The following TM4SF19 variants were observed in gnomAD, a reference collection of about 807,000 sequenced individuals.
The protein encoded by TM4SF19 is transmembrane 4 L6 family member 19.
A neutral mutation model predicts 21.8 loss-of-function variants in TM4SF19; 17 were observed. The ratio of observed to expected loss-of-function variants is 0.78; its 90% CI spans 0.53 to 1.17. The LOEUF (loss-of-function observed/expected upper bound fraction) is 1.17. Among genes scored for constraint, TM4SF19 ranks in the 50% most tolerant of loss-of-function variants. The pLI, the probability that TM4SF19 is intolerant of heterozygous loss-of-function variation, is 0.00. For synonymous variants in TM4SF19, 107 were observed against 106.7 expected, an observed-to-expected ratio of 1.00 and a Z score of -0.02; for missense variants, 216 against 252.1, an observed-to-expected ratio of 0.86 and a Z score of 0.97.
At chr3:196,333,753 A>C (rs1200574793) in intron 1 of TM4SF19, among the ~76,000 whole-genome samples, 2 of 152,156 alleles carry the variant, frequency 1.3e-5, no homozygotes, top group African/African-American at 4.8e-5. Context: ...TAAAAGTTGA[A>C]ATTATATTTT....
At chr3:196,338,072 G>A (rs1351524061) in intron 1 of TM4SF19, among the ~76,000 whole-genome samples, 192 bp downstream of exon 1, 3 of 152,210 alleles carry the variant, frequency 2.0e-5, no homozygotes, top group Non-Finnish European at 2.9e-5. Context: ...TGAGATACTA[G>A]GCAGGAAGAG....
rs145852836 is a variant in TM4SF19, at chr3:196,332,612, TACACAC to T, written c.-1-5027_-1-5022del. ...TAATGTGCGTATATATGTGTGTACG[TACACAC>T]ACACACACACACAATAGTCCCCCAT... On this transcript the variant is annotated intron_variant, in intron 1 of 4. Transcript: ENST00000273695. Among the ~76,000 whole-genome samples the T allele has an allele frequency of 8.1e-5, 12 of 148,880 alleles. No individual in the cohort carries two copies. In the South Asian group the frequency reaches 8.5e-4, roughly 11 times the overall value.
chr3:196,335,953 G>T (rs187583891), intron 1 of TM4SF19, among the ~76,000 whole-genome samples: 1 of 152,042 alleles, frequency 6.6e-6, no homozygotes, highest in African/African-American at 2.4e-5. Flanking sequence ...CCTTTCAAGC[G>T]GGTGCTCTAG....
At chr3:196,335,731 G>A (rs940226329) in intron 1 of TM4SF19, among the ~76,000 whole-genome samples, 9 of 151,918 alleles carry the variant, frequency 5.9e-5, no homozygotes, top group African/African-American at 2.2e-4. Flanking sequence ...GTGGAGAACG[G>A]CCCCCTCACA....
rs1232289111 is a variant in TM4SF19, at chr3:196,329,005, G to A, written c.-1-1414C>T. Among the ~76,000 whole-genome samples, 6 of 151,518 alleles carry A rather than the reference G, an allele frequency of 4.0e-5. No homozygotes were observed. In the East Asian group the frequency reaches 7.8e-4, roughly 20 times the overall value. On this transcript the variant is annotated intron_variant, in intron 1 of 4. Coordinates refer to ENST00000273695, the MANE Select transcript of TM4SF19 (RefSeq NM_138461.4). ...GTTGCTCAGGCTGGAGTGCAGTGGCGCGATCTCAGCTCACTGCAACCTCTG... is the reference window on the plus strand; with the variant it reads ...GTTGCTCAGGCTGGAGTGCAGTGGCACGATCTCAGCTCACTGCAACCTCTG...
At chr3:196,333,538 G>A (rs1333463826) in intron 1 of TM4SF19, among the ~76,000 whole-genome samples, 2 of 152,134 alleles carry the variant, frequency 1.3e-5, no homozygotes, top group African/African-American at 4.8e-5. Flanking sequence ...CAAAGCTTCA[G>A]TTAAGGGGGG....
At position 196,327,444 on chromosome 3, in the gene TM4SF19, G is replaced by T. The variant is rs1183959379; in HGVS notation, c.147C>A (p.Gly49=). 11 of 1,614,176 alleles carry T rather than the reference G, an allele frequency of 6.8e-6. No individual in the cohort carries two copies. The highest frequency in any genetic ancestry group is 8.5e-6 in the Non-Finnish European group (10 of 1,180,030). The part of the protein sequence containing the change: ...PNWDVTYLLR[G]LLGRHAMLGT... ...CCAGCATGGCATGCCTGCCAAGGAG[G>T]CCCCTCAACAGGTAGGTGACATCCC... is the stretch of plus-strand genomic sequence containing the variant. Residue 49 remains glycine, a synonymous_variant, in exon 2 of 5, where the codon GGC becomes GGA. Transcript: ENST00000273695.
At chr3:196,335,931 G>A (rs185626360) in intron 1 of TM4SF19, among the ~76,000 whole-genome samples, 6 of 152,186 alleles carry the variant, frequency 3.9e-5, no homozygotes, top group African/African-American at 7.2e-5. Flanking sequence ...GGAAAGATGG[G>A]TGTGTGGTTG....
chr3:196,324,338 C>CT lies in TM4SF19; in HGVS notation c.381_382insA (p.Asp128ArgfsTer22). 1 of 1,614,116 alleles carries CT rather than the reference C, an allele frequency of 6.2e-7. No homozygotes were observed. The highest frequency in any genetic ancestry group is 8.5e-7 in the Non-Finnish European group (1 of 1,180,016). On this transcript the variant is annotated frameshift_variant, in exon 4 of 5. Coordinates refer to ENST00000273695, the MANE Select transcript of TM4SF19 (RefSeq NM_138461.4). LOFTEE classifies it high-confidence loss of function. The stretch of plus-strand genomic sequence containing the variant: ...TGTGTCTGATTGAAGGATGAAACAT[C>CT]AAACATGCAAAAAGGACCATCTTTC...
chr3:196,327,340 C>T (rs1401142759), intron 2 of TM4SF19, 50 bp downstream of exon 2: 1 of 1,570,126 alleles, frequency 6.4e-7, no homozygotes, highest in Admixed American at 1.7e-5. Context: ...TTCCTGCTCC[C>T]CGCCGGGGTC....
intron 1 of TM4SF19, among the ~76,000 whole-genome samples, chr3:196,328,321 T>G (rs1369196950): frequency 1.3e-5 from 2 of 151,850 alleles, no homozygotes; most frequent in African/African-American, 2.4e-5. Flanking sequence ...AAAGTAACAT[T>G]GTTATTATTC....
chr3:196,336,660 CAGG>C (rs1433570165), intron 1 of TM4SF19, among the ~76,000 whole-genome samples: 4 of 152,170 alleles, frequency 2.6e-5, no homozygotes, highest in African/African-American at 7.2e-5. Context: ...AAATGTGAAC[CAGG>C]AGGTTAGCAA....
At chr3:196,329,877 G>GT (rs572956021) in intron 1 of TM4SF19, among the ~76,000 whole-genome samples, 2,245 of 107,792 alleles carry the variant, frequency 0.021, 334 homozygotes, top group African/African-American at 0.058. Context: ...GTGTTGTTTT[G>GT]TTTTTTTTTT....
At chr3:196,326,887 C>T (rs769453783) in intron 3 of TM4SF19, 68 bp downstream of exon 3, 404 of 1,426,306 alleles carry the variant, frequency 2.8e-4, no homozygotes, top group Non-Finnish European at 3.5e-4. Flanking sequence ...GCCTCTTTAC[C>T]GCCCTGCCTC....
intron 3 of TM4SF19, 66 bp from the exon 4 acceptor site, chr3:196,324,506 G>T: frequency 3.8e-6 from 6 of 1,566,414 alleles, no homozygotes; most frequent in Non-Finnish European, 5.3e-6. Context: ...GGAGGGAGGA[G>T]AAACGCTGAG....
rs1727160200 is a variant in TM4SF19 at position 196,323,763 on chromosome 3, T to C, written c.*54A>G. 6.2e-7 allele frequency: 1 copy of C among 1,613,784 alleles called. No homozygotes were observed. The highest frequency in any genetic ancestry group is 8.5e-7 in the Non-Finnish European group (1 of 1,179,980). ...TCGTACCCACTCCTTGTAGAAAGGA[T>C]TCAAGACAGCCGATGATGAAAACAC... On this transcript the variant is annotated 3_prime_UTR_variant, in exon 5 of 5. Transcript: ENST00000273695.
At chr3:196,327,086 C>G (rs1207184107) in intron 2 of TM4SF19, 54 bp from the exon 3 acceptor site, 2 of 1,449,184 alleles carry the variant, frequency 1.4e-6, no homozygotes, top group African/African-American at 2.8e-5. Flanking sequence ...CCGGCTGTTT[C>G]TAGGTGCTGC....
intron 1 of TM4SF19, among the ~76,000 whole-genome samples, chr3:196,337,795 AACCTTC>A (rs1727833707): frequency 6.6e-6 from 1 of 151,868 alleles, no homozygotes; most frequent in Admixed American, 6.6e-5. Context: ...CTTTTTAATA[AACCTTC>A]ACTCCTGCTC....
chr3:196,330,344 A>G (rs545462862), intron 1 of TM4SF19, among the ~76,000 whole-genome samples: 1 of 152,342 alleles, frequency 6.6e-6, no homozygotes, highest in East Asian at 1.9e-4. Flanking sequence ...ATGGTTGCAC[A>G]TCATTGCAAA....
Sources: gnomAD v4.1 joint callset for allele counts (sites outside exome capture counted in the v4.1 genomes callset) on GRCh38, gnomAD v4.1.1 for gene constraint, MANE v1.5 for transcripts, NCBI Gene and HGNC (gene_info 2026-07-23, HGNC 2026-07-21) for gene names.